The following PGR variants were observed in gnomAD, a reference collection of about 807,000 sequenced individuals.
PGR encodes progesterone receptor, also known as nuclear receptor subfamily 3 group C member 3.
Under a neutral mutation model 76.1 loss-of-function variants are expected in PGR, and 25 were observed. The observed-to-expected ratio is 0.33, with a 90% CI of 0.24 to 0.46. PGR has a LOEUF of 0.46. Among genes scored for constraint, PGR ranks in the 20% least tolerant of loss-of-function variants. PGR has a pLI of 1.00. For synonymous variants in PGR, 579 were observed against 535.0 expected, an observed-to-expected ratio of 1.08 and a Z score of -1.14; for missense variants, 1,172 against 1,225.3, an observed-to-expected ratio of 0.96 and a Z score of 0.65.
intron 3 of PGR, among the ~76,000 whole-genome samples, chr11:101,066,914 C>A (rs74316192): frequency 6.6e-6 from 1 of 152,314 alleles, no homozygotes; most frequent in African/African-American, 2.4e-5. Context: ...GGTTTCCCAG[C>A]TTTCACTTTT....
At chr11:101,090,653 T>C (rs1312127060) in intron 3 of PGR, among the ~76,000 whole-genome samples, 2 of 152,260 alleles carry the variant, frequency 1.3e-5, no homozygotes, top group Non-Finnish European at 1.5e-5. Flanking sequence ...ATTCATTTAA[T>C]AGAAAGTTAC....
At chr11:101,106,986 C>T (rs1862182713) in intron 2 of PGR, among the ~76,000 whole-genome samples, 1 of 152,152 alleles carries the variant, frequency 6.6e-6, no homozygotes, top group African/African-American at 2.4e-5. Flanking sequence ...ACCGCATTGT[C>T]TCACTGATAA....
intron 2 of PGR, among the ~76,000 whole-genome samples, chr11:101,103,918 C>A (rs992181846): frequency 2.0e-5 from 3 of 152,160 alleles, no homozygotes; most frequent in African/African-American, 7.2e-5. Flanking sequence ...AGCTATATAA[C>A]CTTGAGCAGA....
Position 101,030,401 on chromosome 11 carries a change from T to G in PGR, c.*8715A>C, listed in dbSNP as rs529603495. On this transcript the variant is annotated 3_prime_UTR_variant, in exon 8 of 8. Transcript: ENST00000325455. ...ATCGTTAAAATACATGATCACTTAA[T>G]TTTTACAGTTTTGCATCTGTTACCA... The G allele has an allele frequency of 3.5e-5, 8 of 229,718 alleles. No homozygotes were observed. The highest frequency in any genetic ancestry group is 2.8e-4 in the Admixed American group (5 of 17,680). 14.2% of individuals were successfully genotyped at this position (229,718 alleles called of 1,614,324 possible).
intron 7 of PGR, among the ~76,000 whole-genome samples, chr11:101,040,672 A>G (rs1197172537): frequency 6.6e-6 from 1 of 151,992 alleles, no homozygotes. Context: ...TCACTGGTAT[A>G]CTTTAAAATA....
chr11:101,107,415 G>T (rs981428775), intron 2 of PGR, among the ~76,000 whole-genome samples: 1 of 151,996 alleles, frequency 6.6e-6, no homozygotes, highest in Non-Finnish European at 1.5e-5. Context: ...CTTATAAAAC[G>T]TGAAATTGTA....
rs1027453094 is a variant in PGR at position 101,119,099 on chromosome 11, C to T, written c.1789+6908G>A. On this transcript the variant is annotated intron_variant, in intron 2 of 7. Coordinates refer to ENST00000325455, the MANE Select transcript of PGR (RefSeq NM_000926.4). ...TGCATGCAGAATTCACAATAGGGTT[C>T]TCACTCTTATGAGAATCTAAGGCTG... Among the ~76,000 whole-genome samples the T allele has an allele frequency of 5.3e-4, 80 of 152,164 alleles. 1 individual carries two copies. Among genetic ancestry groups the T allele is most frequent in the African/African-American group, 1.9e-3 (79 of 41,450 alleles).
intron 6 of PGR, 29 bp from the exon 7 acceptor site, chr11:101,042,131 T>C (rs199682977): frequency 2.5e-6 from 4 of 1,610,244 alleles, no homozygotes; most frequent in African/African-American, 1.3e-5. Context: ...AAAGTGGCAG[T>C]TGTGTATAAA....
chr11:101,039,386 GT>G, intron 7 of PGR, 115 bp from the exon 8 acceptor site: 3 of 816,082 alleles, frequency 3.7e-6, no homozygotes, highest in Non-Finnish European at 6.0e-6. Context: ...TTCTCAAGGT[GT>G]TTTTTTCTTA....
intron 2 of PGR, among the ~76,000 whole-genome samples, chr11:101,108,614 T>G (rs928464885): frequency 4.6e-5 from 7 of 152,240 alleles, no homozygotes; most frequent in Non-Finnish European, 1.5e-5. Context: ...TGTGCTTTAG[T>G]GAAAGCGGTT....
chr11:101,129,077 T>C lies in PGR; in HGVS notation c.-7A>G, dbSNP rs981249193. 3 of 1,522,256 alleles carry C rather than the reference T, an allele frequency of 2.0e-6. No individual in the cohort carries two copies. The Admixed American group carries it at 6.2e-5, about 31-fold the overall frequency. The allele number at this position is 1,522,256 out of a possible 1,614,324, so 94.3% of individuals were successfully genotyped here. A position where few individuals can be genotyped will look rare whatever the true frequency, so the allele number is the denominator to read the frequency against. The stretch of plus-strand genomic sequence containing the variant: ...TTGCCTTCAGCTCAGTCATGACGAC[T>C]GGACTCCCCTTTTCTCCTCCCCCGT... On this transcript the variant is annotated 5_prime_UTR_variant, in exon 1 of 8. Coordinates refer to ENST00000325455, the MANE Select transcript of PGR (RefSeq NM_000926.4).
chr11:101,109,671 G>T (rs1311409911), intron 2 of PGR, among the ~76,000 whole-genome samples: 1 of 152,218 alleles, frequency 6.6e-6, no homozygotes, highest in Non-Finnish European at 1.5e-5. Flanking sequence ...AGGTGAAGCA[G>T]CAAGTGCTGA....
At chr11:101,077,618 A>G (rs1476458884) in intron 3 of PGR, among the ~76,000 whole-genome samples, 1 of 152,184 alleles carries the variant, frequency 6.6e-6, no homozygotes, top group African/African-American at 2.4e-5. Context: ...GAAAAGTTCT[A>G]GTTGGCAAAC....
At chr11:101,041,892 T>A in intron 7 of PGR, 53 bp downstream of exon 7, 1 of 1,487,512 alleles carries the variant, frequency 6.7e-7, no homozygotes, top group Non-Finnish European at 9.4e-7. Context: ...TTTAAAAAGT[T>A]ATAGAAATTC....
chr11:101,079,993 G>A (rs927078333), intron 3 of PGR, among the ~76,000 whole-genome samples: 1 of 152,144 alleles, frequency 6.6e-6, no homozygotes. Context: ...AGGTTTCCAA[G>A]CTTCAGGTCT....
chr11:101,077,637 A>G (rs550202310), intron 3 of PGR, among the ~76,000 whole-genome samples: 1 of 152,298 alleles, frequency 6.6e-6, no homozygotes, highest in African/African-American at 2.4e-5. Context: ...ACCATAAAAG[A>G]CATCCCATAC....
intron 4 of PGR, among the ~76,000 whole-genome samples, chr11:101,059,939 C>A (rs895574524): frequency 9.3e-5 from 14 of 151,028 alleles, no homozygotes; most frequent in African/African-American, 3.2e-4. Context: ...TATAACAGAT[C>A]CAAGATAATG....
chr11:101,047,245 C>T (rs1859920932), intron 6 of PGR, among the ~76,000 whole-genome samples: 1 of 152,096 alleles, frequency 6.6e-6, no homozygotes, highest in Non-Finnish European at 1.5e-5. Flanking sequence ...TTTAATTCCC[C>T]AGCATAATGT....
At chr11:101,078,796 T>C (rs1277662811) in intron 3 of PGR, among the ~76,000 whole-genome samples, 1 of 152,222 alleles carries the variant, frequency 6.6e-6, no homozygotes, top group Non-Finnish European at 1.5e-5. Context: ...CCTCTATTAT[T>C]CTACTGTAAG....
Sources: allele counts gnomAD v4.1 joint callset (sites outside exome capture counted in the v4.1 genomes callset), GRCh38; gene constraint gnomAD v4.1.1; transcripts MANE v1.5; gene names NCBI Gene and HGNC (gene_info 2026-07-23, HGNC 2026-07-21).